The following XPO5 variants were observed in gnomAD, a reference collection of about 807,000 sequenced individuals.
XPO5 encodes the protein exportin-5.
A neutral mutation model predicts 160.6 loss-of-function variants in XPO5; 46 were observed. The observed-to-expected ratio is 0.29, with a 90% CI of 0.23 to 0.37. The LOEUF (loss-of-function observed/expected upper bound fraction) is 0.37, where lower values mean the gene tolerates loss of function less well. Among genes scored for constraint, XPO5 ranks in the 10% least tolerant of loss-of-function variants. XPO5 has a pLI of 1.00. For synonymous variants in XPO5, 537 were observed against 519.3 expected (o/e 1.03, Z -0.46); for missense variants, 1,090 against 1,463.9 (o/e 0.74, Z 4.17).
At chr6:43,544,888 T>C (rs1794888587) in intron 20 of XPO5, among the ~76,000 whole-genome samples, 1 of 152,196 alleles carries the variant, frequency 6.6e-6, no homozygotes, top group Non-Finnish European at 1.5e-5. Flanking sequence ...TTTATTTATT[T>C]TGAGATGGAA....
intron 20 of XPO5, among the ~76,000 whole-genome samples, chr6:43,538,235 C>T (rs59584556): frequency 0.11 from 16,039 of 146,610 alleles, 1,930 homozygotes; most frequent in African/African-American, 0.3. Flanking sequence ...ATGCAACCTC[C>T]GCCTGCTGGG....
chr6:43,557,562 A>G (rs1762165295), intron 12 of XPO5, among the ~76,000 whole-genome samples: 1 of 152,158 alleles, frequency 6.6e-6, no homozygotes, highest in Admixed American at 6.6e-5. Context: ...GGCAAAACAG[A>G]GACAGAAAGT....
At chr6:43,547,532 T>C (rs933040888) in intron 19 of XPO5, 76 bp downstream of exon 19, 2 of 1,386,818 alleles carry the variant, frequency 1.4e-6, no homozygotes, top group Non-Finnish European at 2.0e-6. Context: ...AACAAATCTA[T>C]GAGAAACTTG....
intron 20 of XPO5, among the ~76,000 whole-genome samples, chr6:43,541,936 C>A (rs758278925): frequency 3.9e-5 from 6 of 152,120 alleles, no homozygotes; most frequent in Non-Finnish European, 7.3e-5. Context: ...CACACCACCA[C>A]GCCTGGCTAA....
chr6:43,534,253 G>A lies in XPO5; in HGVS notation c.2343-246C>T, dbSNP rs144955996. On this transcript the variant is annotated intron_variant, in intron 20 of 31. Coordinates refer to ENST00000265351, the MANE Select transcript of XPO5 (RefSeq NM_020750.3). ...CATGAGAACTAAACCCCAAGACACA[G>A]GACAGTATCAGAGTCCAAAGCTAGA... is the stretch of plus-strand genomic sequence containing the variant. Among the ~76,000 whole-genome samples the A allele has an allele frequency of 6.5e-3, 989 of 152,232 alleles. 10 individuals carry two copies. The highest frequency in any genetic ancestry group is 0.022 in the African/African-American group (907 of 41,528).
Position 43,575,920 on chromosome 6 carries a change from C to G in XPO5, c.-56G>C, listed in dbSNP as rs1763298282. 2 of 1,553,760 alleles carry G rather than the reference C, an allele frequency of 1.3e-6. No homozygotes were observed. The highest frequency in any genetic ancestry group is 3.4e-4 in the Middle Eastern group (2 of 5,938). ...ACTGCAGTCCCGGGACCACGAGGCACGACAGCTCCCTCGGCGAGACCACCC... is the reference window on the plus strand; with the variant it reads ...ACTGCAGTCCCGGGACCACGAGGCAGGACAGCTCCCTCGGCGAGACCACCC... On this transcript the variant is annotated 5_prime_UTR_variant, in exon 1 of 32. Transcript: ENST00000265351.
chr6:43,534,835 T>TA (rs1245500557), intron 20 of XPO5, among the ~76,000 whole-genome samples: 1 of 151,930 alleles, frequency 6.6e-6, no homozygotes, highest in Non-Finnish European at 1.5e-5. Context: ...CTGTCTCTAC[T>TA]AAAAATATAA....
At chr6:43,564,236 A>T (rs900923486) in intron 8 of XPO5, among the ~76,000 whole-genome samples, 1 of 152,182 alleles carries the variant, frequency 6.6e-6, no homozygotes, top group African/African-American at 2.4e-5. Context: ...AAATTTATTT[A>T]AAAAATTTTC....
intron 11 of XPO5, 67 bp from the exon 12 acceptor site, chr6:43,558,658 AG>A: frequency 1.7e-6 from 2 of 1,206,452 alleles, no homozygotes; most frequent in Non-Finnish European, 2.3e-6. Flanking sequence ...TTTAAGCTTC[AG>A]GAGTTCAAGC....
chr6:43,534,088 C>T lies in XPO5; in HGVS notation c.2343-81G>A, dbSNP rs1172645686. ...GGGTTTTGCTTGTAATCCAGTGATA[C>T]TACAGTTTCACACAGATCTGCCCAT... On this transcript the variant is annotated intron_variant, in intron 20 of 31. Transcript: ENST00000265351. 2.7e-5 allele frequency: 30 copies of T among 1,102,494 alleles called. 1 individual carries two copies. In the South Asian group the frequency reaches 3.1e-4, roughly 11 times the overall value. The allele number at this position is 1,102,494 out of a possible 1,614,324, so 68.3% of individuals were successfully genotyped here. A position where few individuals can be genotyped will look rare whatever the true frequency, so the allele number is the denominator to read the frequency against.
In XPO5 at chr6:43,560,953, A is replaced by T; in HGVS notation, c.1066T>A (p.Phe356Ile). Residue 356 changes from phenylalanine to isoleucine, a missense_variant, in exon 10 of 32, where the codon TTT (phenylalanine) becomes ATT (isoleucine). Around this residue, in one of 3 missense-constraint regions of XPO5, gnomAD observed 810 missense variants for 1,139.0 expected, o/e 0.71. Transcript: ENST00000265351. ...CTTGGATGGGTTGTGAAAGCAAGAAAAGATTCCAGGTATTTTCCAAAGTTT... is the reference window on the plus strand; with the variant it reads ...CTTGGATGGGTTGTGAAAGCAAGAATAGATTCCAGGTATTTTCCAAAGTTT... ...PSNFGKYLES[F>I]LAFTTHPSQF... 2 of 1,613,990 alleles carry T rather than the reference A, an allele frequency of 1.2e-6. No individual in the cohort carries two copies. The highest frequency in any genetic ancestry group is 1.7e-6 in the Non-Finnish European group (2 of 1,179,880).
At chr6:43,530,567 G>A in intron 23 of XPO5, 121 bp downstream of exon 23, 5 of 1,198,886 alleles carry the variant, frequency 4.2e-6, no homozygotes, top group Non-Finnish European at 5.8e-6. Context: ...GATACACTTA[G>A]ATACATAATC....
At chr6:43,551,133 G>T in intron 15 of XPO5, 165 bp downstream of exon 15, 1 of 597,152 alleles carries the variant, frequency 1.7e-6, no homozygotes, top group Non-Finnish European at 2.6e-6. Flanking sequence ...GTGCATGCTT[G>T]TAGTCTCAGC....
intron 20 of XPO5, among the ~76,000 whole-genome samples, chr6:43,545,599 T>C (rs1794924926): frequency 6.6e-6 from 1 of 151,906 alleles, no homozygotes; most frequent in African/African-American, 2.4e-5. Context: ...CCCAGCTACT[T>C]GGGTGGCTGA....
chr6:43,524,053 G>A (rs1793372880), intron 31 of XPO5, 48 bp from the exon 32 acceptor site: 2 of 1,594,330 alleles, frequency 1.3e-6, no homozygotes, highest in Admixed American at 1.7e-5. Flanking sequence ...CTCAGTAGTA[G>A]TTAAAAGATT....
chr6:43,527,718 C>G lies in XPO5; in HGVS notation c.2836G>C (p.Ala946Pro). Reference sequence around the variant, plus strand: ...TGAGACTCTGGGTTTTCATCTGCAGCCTCATCTTCTCCACTGCAGAAAACC... The same window carrying G: ...TGAGACTCTGGGTTTTCATCTGCAGGCTCATCTTCTCCACTGCAGAAAACC... ...QRSLLCGEDE[A>P]ADENPESQEM... The change falls in exon 26 of 32, where the codon GCT becomes CCT. Residue 946 changes from alanine to proline, a missense_variant. Physicochemically the swap from Ala to Pro is conservative, Grantham distance 27. This residue lies in a region of XPO5 where 810 missense variants were observed against 1,139.0 expected (regional missense o/e 0.71). Coordinates refer to ENST00000265351, the MANE Select transcript of XPO5 (RefSeq NM_020750.3). 6.2e-7 allele frequency: 1 copy of G among 1,613,968 alleles called. No individual in the cohort carries two copies. The highest frequency in any genetic ancestry group is 8.5e-7 in the Non-Finnish European group (1 of 1,179,888).
intron 27 of XPO5, 148 bp downstream of exon 27, chr6:43,526,537 G>T: frequency 1.2e-6 from 1 of 823,004 alleles, no homozygotes. Flanking sequence ...GTATGATGGA[G>T]GCACACAGCA....
chr6:43,563,293 A>G (rs1050200109), intron 8 of XPO5, among the ~76,000 whole-genome samples: 1 of 152,066 alleles, frequency 6.6e-6, no homozygotes, highest in Non-Finnish European at 1.5e-5. Flanking sequence ...TACGCAGCTA[A>G]TTTATTTTCA....
intron 8 of XPO5, 100 bp from the exon 9 acceptor site, chr6:43,562,446 G>A: frequency 1.1e-6 from 1 of 874,218 alleles, no homozygotes; most frequent in South Asian, 1.7e-5. Context: ...AGTTAGGTCT[G>A]TAATTCAGCA....
Sources: gnomAD v4.1 joint callset for allele counts (sites outside exome capture counted in the v4.1 genomes callset) on GRCh38, gnomAD v4.1.1 for gene constraint, gnomAD v4.1.1 regional missense constraint, MANE v1.5 for transcripts, NCBI Gene and HGNC (gene_info 2026-07-23, HGNC 2026-07-21) for gene names.